Variants in ZNF567 observed in about 807,000 individuals in gnomAD.
ZNF567 encodes the protein zinc finger protein 567.
ZNF567 carries 36 observed loss-of-function variants against 53.9 expected under a neutral mutation model. The ratio of observed to expected loss-of-function variants is 0.67; its 90% CI spans 0.51 to 0.88. The LOEUF is 0.88. Among genes scored for constraint, ZNF567 ranks in the 40% least tolerant of loss-of-function variants. ZNF567 has a pLI of 0.00. For synonymous variants in ZNF567, 224 were observed against 260.4 expected (o/e 0.86, Z 1.35); for missense variants, 619 against 764.7 (o/e 0.81, Z 2.25).
At chr19:36,713,973 A>G (rs2039917207) in intron 5 of ZNF567, among the ~76,000 whole-genome samples, 1 of 152,126 alleles carries the variant, frequency 6.6e-6, no homozygotes. Context: ...CACTCTCCCC[A>G]AATACATTCT....
chr19:36,701,526 T>TAA (rs900401054), intron 3 of ZNF567, among the ~76,000 whole-genome samples: 1 of 152,176 alleles, frequency 6.6e-6, no homozygotes, highest in Non-Finnish European at 1.5e-5. Flanking sequence ...AGTGGGGTGT[T>TAA]AAAGTCTCTC....
At chr19:36,682,937 A>G (rs1033744032), upstream of ZNF567, among the ~76,000 whole-genome samples, 1 of 151,786 alleles carries the variant, frequency 6.6e-6, no homozygotes, top group Non-Finnish European at 1.5e-5. Flanking sequence ...CCAGCACGCT[A>G]TAATTTTAAA....
chr19:36,715,788 C>T (rs1214002197), intron 5 of ZNF567, among the ~76,000 whole-genome samples: 1 of 151,918 alleles, frequency 6.6e-6, no homozygotes, highest in South Asian at 2.1e-4. Context: ...GTCAGCCTCC[C>T]AAAGTGCTGG....
chr19:36,724,163 T>A (rs919075468), downstream of ZNF567, among the ~76,000 whole-genome samples: 1 of 151,244 alleles, frequency 6.6e-6, no homozygotes, highest in African/African-American at 2.4e-5. Context: ...TGTTCCCCCA[T>A]GCCTGGCTAA....
chr19:36,710,375 C>A (rs562792175), intron 3 of ZNF567, among the ~76,000 whole-genome samples: 2 of 137,080 alleles, frequency 1.5e-5, no homozygotes, highest in Admixed American at 7.8e-5. Context: ...AGGTTTTATT[C>A]CCCCCACTCC....
chr19:36,686,952 C>T (rs10422940), upstream of ZNF567: 2 of 152,122 alleles, frequency 1.3e-5, no homozygotes, highest in African/African-American at 4.8e-5. Context: ...CAGGTGTGCC[C>T]TGAGAAGACA....
At position 36,719,785 on chromosome 19, in the gene ZNF567, G is replaced by A. The variant is rs562512567; in HGVS notation, c.1061G>A (p.Arg354His). The A allele has an allele frequency of 3.7e-5, 59 of 1,613,758 alleles. No individual in the cohort carries two copies. The highest frequency in any genetic ancestry group is 7.7e-5 in the South Asian group (7 of 91,074). Residue 354 changes from arginine (R) to histidine (H), a missense_variant, in exon 6 of 6, where the codon CGT (arginine) becomes CAT (histidine). Physicochemically the swap from Arg to His is conservative, Grantham distance 29. Coordinates refer to ENST00000682579, the MANE Select transcript of ZNF567 (RefSeq NM_001322917.1). ...NAFRLKSHLI[R>H]HQRTHTGEKP... is the part of the protein sequence containing the mutation. ...TTCAGATTGAAGTCACACCTCATTC[G>A]TCATCAGAGAACTCACACGGGAGAG...
intron 3 of ZNF567, chr19:36,711,504 G>A (rs1465225624): frequency 6.6e-6 from 1 of 152,164 alleles, no homozygotes; most frequent in Non-Finnish European, 1.5e-5. Flanking sequence ...CGCCTGCTTT[G>A]GTTGCTTTCC....
chr19:36,668,247 T>C, the ZNF567 span: 10 of 152,304 alleles, frequency 6.6e-5, no homozygotes, highest in African/African-American at 1.9e-4. Context: ...CGCTGGGTGG[T>C]GAAACGGTTT....
upstream of ZNF567, among the ~76,000 whole-genome samples, chr19:36,683,212 A>G (rs1033799654): frequency 2.6e-5 from 4 of 151,910 alleles, no homozygotes; most frequent in African/African-American, 9.7e-5. Flanking sequence ...AGCTAGGACT[A>G]CAGGTGCACC....
intron 3 of ZNF567, among the ~76,000 whole-genome samples, chr19:36,707,960 A>G (rs1256992426): frequency 2.0e-5 from 3 of 152,050 alleles, no homozygotes; most frequent in South Asian, 2.1e-4. Context: ...CAGTGGTACA[A>G]TCAGAGCTCA....
chr19:36,689,019 A>G (rs922218755), intron 1 of ZNF567, among the ~76,000 whole-genome samples: 3 of 147,422 alleles, frequency 2.0e-5, no homozygotes, highest in Non-Finnish European at 3.0e-5. Context: ...AATCGCTTGA[A>G]CTCGGAGGTG....
At chr19:36,668,455 T>A in the ZNF567 span, 1 of 152,314 alleles carries the variant, frequency 6.6e-6, no homozygotes, top group East Asian at 1.9e-4. Context: ...GTGTGAGGCT[T>A]TTTGCGCTGG....
chr19:36,679,084 A>G, the ZNF567 span, among the ~76,000 whole-genome samples: 24 of 152,172 alleles, frequency 1.6e-4, no homozygotes, highest in Non-Finnish European at 3.1e-4. Context: ...CAGGAGATCG[A>G]GACCATCCTG....
At chr19:36,711,072 T>TG (rs1555805346) in intron 3 of ZNF567, among the ~76,000 whole-genome samples, 30 of 150,298 alleles carry the variant, frequency 2.0e-4, no homozygotes, top group East Asian at 7.9e-4. Context: ...CTCTCACTTT[T>TG]TGTGTGTGTG....
rs3108201 is a variant in ZNF567, at chr19:36,719,903, C to T, written c.1179C>T (p.Tyr393=). 1,015,243 of 1,613,362 alleles carry T rather than the reference C, an allele frequency of 0.63. 322,063 individuals are homozygous for T. Among genetic ancestry groups the T allele is most frequent in the East Asian group, 0.82 (36,684 of 44,836 alleles). ...GAATCCATACAGGTGAGAAACCCTA[C>T]ATTTGTAAAGAATGTGGGAAGTCCT... ...HQRIHTGEKP[Y]ICKECGKSFH... Residue 393 remains tyrosine (Y), a synonymous_variant, in exon 6 of 6, where the codon TAC becomes TAT. Coordinates refer to ENST00000682579, the MANE Select transcript of ZNF567 (RefSeq NM_001322917.1).
chr19:36,675,949 G>A, the ZNF567 span, among the ~76,000 whole-genome samples: 5 of 150,578 alleles, frequency 3.3e-5, no homozygotes, highest in Non-Finnish European at 7.4e-5. Flanking sequence ...GTATCTGTAT[G>A]TACATATGTA....
chr19:36,726,982 TTTTCTTTCTTTC>T (rs71266566), downstream of ZNF567: 6 of 55,390 alleles, frequency 1.1e-4, no homozygotes, highest in Admixed American at 2.1e-4. Context: ...CTTTCTTTCT[TTTTCTTTCTTTC>T]TTTCTTTCTT....
At chr19:36,703,958 G>C (rs1468646460) in intron 3 of ZNF567, among the ~76,000 whole-genome samples, 4 of 152,182 alleles carry the variant, frequency 2.6e-5, no homozygotes, top group African/African-American at 9.7e-5. Flanking sequence ...CCACTGTCTG[G>C]CACTCCCTAG....
Sources: gnomAD v4.1 joint callset for allele counts (sites outside exome capture counted in the v4.1 genomes callset) on GRCh38, gnomAD v4.1.1 for gene constraint, MANE v1.5 for transcripts, NCBI Gene and HGNC (gene_info 2026-07-23, HGNC 2026-07-21) for gene names.